Variants in ROR1 observed in about 807,000 individuals in gnomAD.
ROR1 encodes ROR family WNT receptor 1.
In ROR1, 19 loss-of-function variants were observed where a neutral mutation model predicts 78.8. That is an observed-to-expected ratio of 0.24 (90% CI 0.17 to 0.35). The LOEUF (loss-of-function observed/expected upper bound fraction) is 0.35, where lower values mean the gene tolerates loss of function less well. ROR1 is among the 10% of genes least tolerant of loss of function. The pLI, the probability that ROR1 is intolerant of heterozygous loss-of-function variation, is 1.00. For missense variants in ROR1, 917 were observed against 1,177.8 expected (o/e 0.78, Z 3.24); for synonymous variants, 386 against 433.6 (o/e 0.89, Z 1.36).
chr1:63,795,343 A>T (rs1644754004), intron 1 of ROR1, among the ~76,000 whole-genome samples: 1 of 152,228 alleles, frequency 6.6e-6, no homozygotes, highest in Non-Finnish European at 1.5e-5. Flanking sequence ...AAGTATTTGC[A>T]TTGAATTTGT....
intron 2 of ROR1, among the ~76,000 whole-genome samples, chr1:64,047,304 T>C (rs1046222207): frequency 6.6e-6 from 1 of 152,252 alleles, no homozygotes; most frequent in African/African-American, 2.4e-5. Context: ...TTTTGAGTGC[T>C]TACTTTTTGC....
At chr1:63,782,122 T>C (rs896066962) in intron 1 of ROR1, among the ~76,000 whole-genome samples, 6 of 152,216 alleles carry the variant, frequency 3.9e-5, no homozygotes, top group Middle Eastern at 3.2e-3. Flanking sequence ...ATAGTCTCAC[T>C]GGAGATGTAA....
At chr1:63,906,030 G>C (rs1257679135) in intron 1 of ROR1, among the ~76,000 whole-genome samples, 1 of 152,166 alleles carries the variant, frequency 6.6e-6, no homozygotes, top group African/African-American at 2.4e-5. Context: ...AGGTAATCTG[G>C]ATTCTTGTTA....
intron 2 of ROR1, among the ~76,000 whole-genome samples, chr1:64,014,742 A>ATGTG (rs1221920225): frequency 1.4e-3 from 10 of 7,256 alleles, no homozygotes; most frequent in African/African-American, 2.0e-3. Context: ...TACGCACACT[A>ATGTG]TATATATATA....
chr1:63,843,737 C>T (rs151239719), intron 1 of ROR1: 285 of 435,126 alleles, frequency 6.5e-4, no homozygotes, highest in African/African-American at 5.3e-3. Flanking sequence ...AAGACAAGAG[C>T]ACTGCAGCCG....
intron 8 of ROR1, among the ~76,000 whole-genome samples, chr1:64,160,414 A>T (rs1315656207): frequency 6.6e-6 from 1 of 152,042 alleles, no homozygotes; most frequent in Non-Finnish European, 1.5e-5. Flanking sequence ...TATATTCTGT[A>T]TTCAGCAAAA....
intron 7 of ROR1, among the ~76,000 whole-genome samples, chr1:64,147,987 A>G (rs1649519497): frequency 6.6e-6 from 1 of 152,238 alleles, no homozygotes; most frequent in Non-Finnish European, 1.5e-5. Context: ...AGAACAGCCC[A>G]CACAATGAAT....
At chr1:63,795,942 G>A (rs1644757185) in intron 1 of ROR1, among the ~76,000 whole-genome samples, 1 of 152,106 alleles carries the variant, frequency 6.6e-6, no homozygotes, top group South Asian at 2.1e-4. Context: ...GATGACAAAG[G>A]TAAAAGCATT....
intron 1 of ROR1, among the ~76,000 whole-genome samples, chr1:63,914,519 G>A (rs559165944): frequency 5.8e-4 from 89 of 152,274 alleles, no homozygotes; most frequent in Non-Finnish European, 9.7e-4. Flanking sequence ...AGAGTTGGGA[G>A]CTGTTATGCA....
intron 1 of ROR1, among the ~76,000 whole-genome samples, chr1:63,856,079 C>T (rs1645146622): frequency 6.9e-6 from 1 of 145,854 alleles, no homozygotes; most frequent in South Asian, 2.2e-4. Context: ...TTTTGATTGA[C>T]TTTTTTTTTT....
chr1:64,155,030 AG>A (rs1352865266), intron 7 of ROR1, among the ~76,000 whole-genome samples: 1 of 152,218 alleles, frequency 6.6e-6, no homozygotes, highest in Non-Finnish European at 1.5e-5. Flanking sequence ...ATAATGTTTT[AG>A]GGTAATTTTG....
intron 1 of ROR1, among the ~76,000 whole-genome samples, chr1:63,799,485 G>A (rs1490226773): frequency 3.9e-5 from 6 of 152,202 alleles, no homozygotes; most frequent in Admixed American, 3.9e-4. Flanking sequence ...CATAGTGTCT[G>A]TATGGCTGGT....
intron 4 of ROR1, among the ~76,000 whole-genome samples, chr1:64,114,429 T>C (rs908868201): frequency 2.0e-5 from 3 of 152,088 alleles, no homozygotes; most frequent in Non-Finnish European, 2.9e-5. Flanking sequence ...AGAGACTCAG[T>C]AGTTGACTAT....
chr1:63,923,326 G>C (rs1382793254), intron 1 of ROR1, among the ~76,000 whole-genome samples: 2 of 152,084 alleles, frequency 1.3e-5, no homozygotes, highest in Non-Finnish European at 2.9e-5. Context: ...CTGTTGGTTT[G>C]GGCTGGTTAC....
intron 1 of ROR1, among the ~76,000 whole-genome samples, chr1:63,810,337 T>A (rs1415386057): frequency 6.6e-6 from 1 of 152,196 alleles, no homozygotes; most frequent in African/African-American, 2.4e-5. Flanking sequence ...TTCCAAGTTG[T>A]CTAGCCCTGA....
At chr1:63,958,727 C>G (rs1305462329) in intron 1 of ROR1, among the ~76,000 whole-genome samples, 1 of 152,136 alleles carries the variant, frequency 6.6e-6, no homozygotes, top group African/African-American at 2.4e-5. Context: ...AGTTTTTACC[C>G]TTAGGACCAC....
chr1:64,001,416 T>C (rs149248764), intron 1 of ROR1, among the ~76,000 whole-genome samples: 4 of 152,222 alleles, frequency 2.6e-5, no homozygotes, highest in Admixed American at 1.3e-4. Flanking sequence ...TTGTTTTATC[T>C]TGACTGTGGT....
At chr1:64,055,862 G>A (rs372357961) in intron 4 of ROR1, among the ~76,000 whole-genome samples, 2 of 152,148 alleles carry the variant, frequency 1.3e-5, no homozygotes, top group African/African-American at 4.8e-5. Flanking sequence ...AGCTATAGTA[G>A]CTTCTAATTT....
At chr1:64,012,203 G>A (rs1646481527) in intron 2 of ROR1, among the ~76,000 whole-genome samples, 2 of 152,196 alleles carry the variant, frequency 1.3e-5, no homozygotes, top group Admixed American at 1.3e-4. Context: ...ATCCCATGGG[G>A]ATAAGAGTTG....
Sources: gnomAD v4.1 joint callset for allele counts (sites outside exome capture counted in the v4.1 genomes callset) on GRCh38, gnomAD v4.1.1 for gene constraint, MANE v1.5 for transcripts, NCBI Gene and HGNC (gene_info 2026-07-23, HGNC 2026-07-21) for gene names.